NR2F2: variants seen among roughly 807,000 people sequenced by gnomAD.
NR2F2 encodes the protein nuclear receptor subfamily 2 group F member 2.
A neutral mutation model predicts 34.8 loss-of-function variants in NR2F2; 2 were observed. The observed-to-expected ratio is 0.06, with a 90% CI of 0.02 to 0.18. NR2F2 has a LOEUF of 0.18. Ranked by LOEUF, NR2F2 falls within the 10% of genes least tolerant of loss-of-function variation. The probability of loss-of-function intolerance (pLI) is 1.00; values close to 1 mark genes in which losing one functional copy is unlikely to be tolerated. For missense variants in NR2F2, 300 were observed against 580.1 expected, an observed-to-expected ratio of 0.52 and a Z score of 4.96; for synonymous variants, 274 against 251.8, an observed-to-expected ratio of 1.09 and a Z score of -0.84.
At position 96,332,251 on chromosome 15, in the gene NR2F2, C is replaced by G. The variant is rs2141166777; in HGVS notation, c.146C>G (p.Ala49Gly). 1.3e-6 allele frequency: 2 copies of G among 1,542,074 alleles called. No individual in the cohort carries two copies. Among genetic ancestry groups the G allele is most frequent in the East Asian group, 2.5e-5 (1 of 40,750 alleles). Residue 49 changes from alanine (A) to glycine (G), a missense_variant, in exon 1 of 3, where the codon GCC (alanine) becomes GGC (glycine). By Grantham distance (60) the Ala-to-Gly change is moderately conservative. This residue lies in a region of NR2F2 where 105 missense variants were observed against 107.8 expected (regional missense o/e 0.97). Coordinates refer to ENST00000394166, the MANE Select transcript of NR2F2 (RefSeq NM_021005.4). Reference protein sequence around the residue: ...TPQTPGQGGPASTPAQTAAGG... With the variant: ...TPQTPGQGGPGSTPAQTAAGG... ...CAGACGCCCGGCCAAGGGGGCCCAG[C>G]CAGCACGCCAGCCCAGACGGCGGCC...
upstream of NR2F2, among the ~76,000 whole-genome samples, chr15:96,328,383 T>C (rs1325365108): frequency 6.6e-6 from 1 of 152,238 alleles, no homozygotes; most frequent in East Asian, 1.9e-4. Flanking sequence ...AAAGGTAATC[T>C]GCTATGGAAG....
chr15:96,330,308 G>T, upstream of NR2F2, among the ~76,000 whole-genome samples: 1 of 151,942 alleles, frequency 6.6e-6, no homozygotes, highest in East Asian at 2.0e-4. Context: ...TGCGCGCTGC[G>T]CTAGTCTCCC....
chr15:96,335,344 C>T (rs1009600321), intron 2 of NR2F2, among the ~76,000 whole-genome samples: 1 of 152,204 alleles, frequency 6.6e-6, no homozygotes, highest in African/African-American at 2.4e-5. Context: ...GATATAAAAC[C>T]ATCATTGACT....
chr15:96,336,729 G>C (rs1899338846), intron 2 of NR2F2, among the ~76,000 whole-genome samples: 1 of 152,122 alleles, frequency 6.6e-6, no homozygotes, highest in Admixed American at 6.5e-5. Flanking sequence ...CAGCTCAAAT[G>C]AACAGAGAGA....
In NR2F2 at chr15:96,331,758, C is replaced by T. The variant is rs1899150507; in HGVS notation, c.-348C>T. The T allele has an allele frequency of 1.8e-6, 2 of 1,138,626 alleles. No homozygotes were observed. The highest frequency in any genetic ancestry group is 4.6e-5 in the South Asian group (1 of 21,948). 70.5% of individuals were successfully genotyped at this position (1,138,626 alleles called of 1,614,324 possible). On this transcript the variant is annotated 5_prime_UTR_variant, in exon 1 of 3. Coordinates refer to ENST00000394166, the MANE Select transcript of NR2F2 (RefSeq NM_021005.4). ...TCGACTTCAGCTCTCCCTCCCCTCC[C>T]TCTTTCTCCACGTTCTGCTCCCACT...
At chr15:96,329,476 A>G (rs1203283135), upstream of NR2F2, among the ~76,000 whole-genome samples, 1 of 152,192 alleles carries the variant, frequency 6.6e-6, no homozygotes, top group East Asian at 1.9e-4. Flanking sequence ...GACCTGTACT[A>G]GTATTATTTC....
chr15:96,332,216 G>T lies in NR2F2; in HGVS notation c.111G>T (p.Pro37=), dbSNP rs778063675. ...PPVPGPPPGA[P]HTPQTPGQGG... ...TGCCCGGCCCGCCGCCCGGCGCCCC[G>T]CACACGCCACAGACGCCCGGCCAAG... The change falls in exon 1 of 3, where the codon CCG becomes CCT. Residue 37 remains proline, a synonymous_variant. Coordinates refer to ENST00000394166, the MANE Select transcript of NR2F2 (RefSeq NM_021005.4). 10 of 1,444,408 alleles carry T rather than the reference G, an allele frequency of 6.9e-6. No homozygotes were observed. The South Asian group carries it at 1.4e-4, about 20-fold the overall frequency. 89.5% of individuals were successfully genotyped at this position (1,444,408 alleles called of 1,614,324 possible). A position where few individuals can be genotyped will look rare whatever the true frequency, so the allele number is the denominator to read the frequency against.
Position 96,332,022 on chromosome 15 carries a change from G to C in NR2F2, c.-84G>C, listed in dbSNP as rs962172505. 20 of 1,230,714 alleles carry C rather than the reference G, an allele frequency of 1.6e-5. No individual in the cohort carries two copies. In the African/African-American group the frequency reaches 2.5e-4, roughly 16 times the overall value. The allele number at this position is 1,230,714 out of a possible 1,614,324, so 76.2% of individuals were successfully genotyped here. A position where few individuals can be genotyped will look rare whatever the true frequency, so the allele number is the denominator to read the frequency against. On this transcript the variant is annotated 5_prime_UTR_variant, in exon 1 of 3. Coordinates refer to ENST00000394166, the MANE Select transcript of NR2F2 (RefSeq NM_021005.4). The stretch of plus-strand genomic sequence containing the variant: ...CGCACACACAAAAGGCGGCGCGCCG[G>C]AGCCCGAGACCCGGGGAGCCGCCGC...
In NR2F2 at chr15:96,331,052, G is replaced by GGCAGCA. The variant is rs916162993; in HGVS notation, c.-1042_-1037dup. 1.1e-4 allele frequency: 136 copies of GGCAGCA among 1,238,788 alleles called. 1 individual carries two copies. The highest frequency in any genetic ancestry group is 5.9e-4 in the Middle Eastern group (2 of 3,412). 76.7% of individuals were successfully genotyped at this position (1,238,788 alleles called of 1,614,324 possible). A position where few individuals can be genotyped will look rare whatever the true frequency, so the allele number is the denominator to read the frequency against. On this transcript the variant is annotated 5_prime_UTR_variant, in exon 1 of 3. Coordinates refer to ENST00000394166, the MANE Select transcript of NR2F2 (RefSeq NM_021005.4). ...TTCCCTATGTGTGTGAGGCGGCGGCGGCAGCAGCAGCAGCAGCGGCTCCGG... is the reference window on the plus strand; with the variant it reads ...TTCCCTATGTGTGTGAGGCGGCGGCGGCAGCAGCAGCAGCAGCAGCAGCGGCTCCGG...
rs573904102 is a variant in NR2F2, at chr15:96,331,877, G to A, written c.-229G>A. 7.6e-5 allele frequency: 92 copies of A among 1,206,536 alleles called. No homozygotes were observed. Among genetic ancestry groups the A allele is most frequent in the Non-Finnish European group, 9.5e-5 (92 of 972,318 alleles). The allele number at this position is 1,206,536 out of a possible 1,614,324, so 74.7% of individuals were successfully genotyped here. On this transcript the variant is annotated 5_prime_UTR_variant, in exon 1 of 3. Transcript: ENST00000394166. ...AGAAACAAACAAAACAAACACACCG[G>A]GCCAGACAAGCCATCGACAAAACTT...
Position 96,332,221 on chromosome 15 carries a change from C to T in NR2F2, c.116C>T (p.Thr39Met). Residue 39 changes from threonine (T) to methionine (M), a missense_variant, in exon 1 of 3, where the codon ACG becomes ATG. Coordinates refer to ENST00000394166, the MANE Select transcript of NR2F2 (RefSeq NM_021005.4). ...GGCCCGCCGCCCGGCGCCCCGCACACGCCACAGACGCCCGGCCAAGGGGGC... is the reference window on the plus strand; with the variant it reads ...GGCCCGCCGCCCGGCGCCCCGCACATGCCACAGACGCCCGGCCAAGGGGGC... ...VPGPPPGAPH[T>M]PQTPGQGGPA... The T allele has an allele frequency of 6.6e-7, 1 of 1,519,076 alleles. No individual in the cohort carries two copies. Among genetic ancestry groups the T allele is most frequent in the Non-Finnish European group, 8.8e-7 (1 of 1,133,986 alleles). The allele number at this position is 1,519,076 out of a possible 1,614,324, so 94.1% of individuals were successfully genotyped here. A position where few individuals can be genotyped will look rare whatever the true frequency, so the allele number is the denominator to read the frequency against.
Position 96,330,997 on chromosome 15 carries a change from T to G in NR2F2, c.-1109T>G. ...CTGCCCTCCTCTCTCTCTTTTATCA[T>G]TTCTCCCCCGCCGCCGGCGAGTTGA... is the stretch of plus-strand genomic sequence containing the variant. On this transcript the variant is annotated 5_prime_UTR_variant, in exon 1 of 3. Coordinates refer to ENST00000394166, the MANE Select transcript of NR2F2 (RefSeq NM_021005.4). The G allele has an allele frequency of 8.2e-7, 1 of 1,213,126 alleles. No individual in the cohort carries two copies. The highest frequency in any genetic ancestry group is 1.0e-6 in the Non-Finnish European group (1 of 975,846). The allele number at this position is 1,213,126 out of a possible 1,614,324, so 75.1% of individuals were successfully genotyped here. A position where few individuals can be genotyped will look rare whatever the true frequency, so the allele number is the denominator to read the frequency against.
At chr15:96,333,822 G>T in intron 1 of NR2F2, 1 of 1,400,388 alleles carries the variant, frequency 7.1e-7, no homozygotes, top group Non-Finnish European at 9.2e-7. Context: ...GCCAATTCTG[G>T]GTCCTCGGCG....
At position 96,330,937 on chromosome 15, in the gene NR2F2, C is replaced by T; in HGVS notation, c.-1169C>T. 1 of 1,139,602 alleles carries T rather than the reference C, an allele frequency of 8.8e-7. No individual in the cohort carries two copies. The highest frequency in any genetic ancestry group is 3.8e-4 in the Middle Eastern group (1 of 2,658). 70.6% of individuals were successfully genotyped at this position (1,139,602 alleles called of 1,614,324 possible). On this transcript the variant is annotated 5_prime_UTR_variant, in exon 1 of 3. Transcript: ENST00000394166. ...CTTTCTCTCCGTCTTTTTCTCCCCC[C>T]TCTGCGCACGAAGGATGTGCTTCTA...
At position 96,332,237 on chromosome 15, in the gene NR2F2, C is replaced by A. The variant is rs2141166756; in HGVS notation, c.132C>A (p.Gly44=). ...CCCCGCACACGCCACAGACGCCCGG[C>A]CAAGGGGGCCCAGCCAGCACGCCAG... ...PGAPHTPQTP[G]QGGPASTPAQ... is the part of the protein sequence containing the mutation. Residue 44 remains glycine (G), a synonymous_variant, in exon 1 of 3, where the codon GGC becomes GGA. Coordinates refer to ENST00000394166, the MANE Select transcript of NR2F2 (RefSeq NM_021005.4). 1 of 1,536,380 alleles carries A rather than the reference C, an allele frequency of 6.5e-7. No individual in the cohort carries two copies. Among genetic ancestry groups the A allele is most frequent in the South Asian group, 1.2e-5 (1 of 83,674 alleles).
rs1331932340 is a variant in NR2F2, at chr15:96,339,622, AAGAGAAAGC to A, written c.*2003_*2011del. On this transcript the variant is annotated 3_prime_UTR_variant, in exon 3 of 3. Transcript: ENST00000394166. Reference sequence around the variant, plus strand: ...TTTGTCCTTAGAAGCCAAATTAAGGAAGAGAAAGCAGGACAGAGAAAAAGAAAGAAGGAA... The same window carrying A: ...TTTGTCCTTAGAAGCCAAATTAAGGAAGGACAGAGAAAAAGAAAGAAGGAA... 5.9e-5 allele frequency: 9 copies of A among 152,290 alleles called. No homozygotes were observed. The South Asian group carries it at 1.9e-3, about 32-fold the overall frequency. The allele number at this position is 152,290 out of a possible 1,614,324, so 9.4% of individuals were successfully genotyped here.
At position 96,331,266 on chromosome 15, in the gene NR2F2, C is replaced by G; in HGVS notation, c.-840C>G. ...GCGGCCGGAGAGAGCGAGGCGCGCG[C>G]CGGACGCCCGGGGCAGGCGGCGGCG... is the stretch of plus-strand genomic sequence containing the variant. On this transcript the variant is annotated 5_prime_UTR_variant, in exon 1 of 3. Coordinates refer to ENST00000394166, the MANE Select transcript of NR2F2 (RefSeq NM_021005.4). 2 of 998,248 alleles carry G rather than the reference C, an allele frequency of 2.0e-6. No individual in the cohort carries two copies. The highest frequency in any genetic ancestry group is 2.4e-6 in the Non-Finnish European group (2 of 840,158). 61.8% of individuals were successfully genotyped at this position (998,248 alleles called of 1,614,324 possible).
rs2141172711 is a variant in NR2F2 at position 96,337,917 on chromosome 15, T to G, written c.*295T>G. On this transcript the variant is annotated 3_prime_UTR_variant, in exon 3 of 3. Transcript: ENST00000394166. ...TAGTCTTTTTCTTTTTTTGGTAAATTTTTGAAAAATATTGCTAAAAGTGCA... is the reference window on the plus strand; with the variant it reads ...TAGTCTTTTTCTTTTTTTGGTAAATGTTTGAAAAATATTGCTAAAAGTGCA... 1.2e-5 allele frequency: 3 copies of G among 257,534 alleles called. No individual in the cohort carries two copies. The highest frequency in any genetic ancestry group is 2.4e-4 in the South Asian group (2 of 8,222). The allele number at this position is 257,534 out of a possible 1,614,324, so 16.0% of individuals were successfully genotyped here.
chr15:96,331,632 G>T lies in NR2F2; in HGVS notation c.-474G>T. The T allele has an allele frequency of 8.4e-7, 1 of 1,183,642 alleles. No homozygotes were observed. Among genetic ancestry groups the T allele is most frequent in the South Asian group, 4.3e-5 (1 of 23,262 alleles). The allele number at this position is 1,183,642 out of a possible 1,614,324, so 73.3% of individuals were successfully genotyped here. ...CTCCTCGGCTGCACACCAGCTCTAA[G>T]AGCGAGAGTGAACGAGAGAGGGAGG... On this transcript the variant is annotated 5_prime_UTR_variant, in exon 1 of 3. Transcript: ENST00000394166.
Sources: allele counts gnomAD v4.1 joint callset (sites outside exome capture counted in the v4.1 genomes callset), GRCh38; gene constraint gnomAD v4.1.1; regional missense constraint gnomAD v4.1.1; transcripts MANE v1.5; gene names NCBI Gene and HGNC (gene_info 2026-07-23, HGNC 2026-07-21).